The following AGMO variants were observed in gnomAD, a reference collection of about 807,000 sequenced individuals.
AGMO encodes the protein alkylglycerol monooxygenase, also known as glyceryl-ether monooxygenase.
AGMO carries 75 observed loss-of-function variants against 60.2 expected under a neutral mutation model. The ratio of observed to expected loss-of-function variants is 1.25; its 90% CI spans 1.03 to 1.51. The LOEUF (loss-of-function observed/expected upper bound fraction) is 1.51, where lower values mean the gene tolerates loss of function less well. Among genes scored for constraint, AGMO ranks in the 40% most tolerant of loss-of-function variants. The pLI is 0.00. For missense variants in AGMO, 763 were observed against 525.5 expected (o/e 1.45, Z -4.42); for synonymous variants, 261 against 177.1 (o/e 1.47, Z -3.76).
At chr7:15,439,313 C>T (rs1781488139) in intron 3 of AGMO, among the ~76,000 whole-genome samples, 2 of 152,146 alleles carry the variant, frequency 1.3e-5, no homozygotes, top group Admixed American at 6.5e-5. Context: ...AGGATAATCG[C>T]TTGGACTCAG....
intron 4 of AGMO, among the ~76,000 whole-genome samples, chr7:15,421,784 G>A (rs1437623353): frequency 6.6e-6 from 1 of 152,142 alleles, no homozygotes; most frequent in Admixed American, 6.6e-5. Context: ...ACATCTCAGG[G>A]AATCAGGAAG....
At chr7:15,194,881 T>C in the AGMO span, among the ~76,000 whole-genome samples, 3 of 152,126 alleles carry the variant, frequency 2.0e-5, no homozygotes, top group Non-Finnish European at 4.4e-5. Flanking sequence ...TAGGCTCCGA[T>C]TGTCTCAGCA....
intron 12 of AGMO, among the ~76,000 whole-genome samples, chr7:15,325,685 C>G (rs930915305): frequency 2.0e-5 from 3 of 152,084 alleles, no homozygotes; most frequent in Non-Finnish European, 2.9e-5. Context: ...AATGCTTAAA[C>G]TGAAAATATA....
At position 15,364,121 on chromosome 7, in the gene AGMO, C is replaced by G. The variant is rs987749214; in HGVS notation, c.1263+1393G>C. 2.0e-5 allele frequency among the ~76,000 whole-genome samples: 3 copies of G among 151,812 alleles called. No homozygotes were observed. In the East Asian group the frequency reaches 5.8e-4, roughly 29 times the overall value. On this transcript the variant is annotated intron_variant, in intron 12 of 12. Coordinates refer to ENST00000342526, the MANE Select transcript of AGMO (RefSeq NM_001004320.2). ...TAGTATGCTTCACGGTTTAAATTCA[C>G]ATTATATATATAATGTGTATATATA...
At chr7:15,141,734 T>C in the AGMO span, among the ~76,000 whole-genome samples, 9 of 152,364 alleles carry the variant, frequency 5.9e-5, no homozygotes, top group Non-Finnish European at 8.8e-5. Context: ...TGATAGGTAC[T>C]TCCAAGTAAA....
At chr7:15,284,002 A>G (rs907653879) in intron 12 of AGMO, among the ~76,000 whole-genome samples, 6 of 152,126 alleles carry the variant, frequency 3.9e-5, no homozygotes, top group Non-Finnish European at 5.9e-5. Flanking sequence ...AATGAAATCA[A>G]GATGGAATTT....
intron 8 of AGMO, among the ~76,000 whole-genome samples, chr7:15,388,850 A>T (rs1012155693): frequency 2.0e-5 from 3 of 152,204 alleles, no homozygotes; most frequent in Non-Finnish European, 2.9e-5. Flanking sequence ...ATTTCTGACA[A>T]TGTAAGTAAA....
intron 2 of AGMO, among the ~76,000 whole-genome samples, chr7:15,546,819 G>T (rs1162712540): frequency 6.6e-6 from 1 of 152,174 alleles, no homozygotes; most frequent in Non-Finnish European, 1.5e-5. Context: ...TAGCTTTGTT[G>T]GTTACTTTTG....
At chr7:15,341,110 T>A (rs1272967535) in intron 12 of AGMO, among the ~76,000 whole-genome samples, 1 of 152,202 alleles carries the variant, frequency 6.6e-6, no homozygotes, top group Non-Finnish European at 1.5e-5. Flanking sequence ...GTCTTTGACA[T>A]GTCCTGGAGA....
chr7:15,432,177 T>C (rs1043020543), intron 3 of AGMO, among the ~76,000 whole-genome samples: 4 of 151,534 alleles, frequency 2.6e-5, no homozygotes, highest in Admixed American at 2.6e-4. Flanking sequence ...CTTGGATGTA[T>C]AGGAACTAAA....
At chr7:15,314,914 A>C (rs2128534191) in intron 12 of AGMO, among the ~76,000 whole-genome samples, 1 of 152,334 alleles carries the variant, frequency 6.6e-6, no homozygotes, top group South Asian at 2.1e-4. Context: ...AGATTACAAA[A>C]GTGAGAAGGA....
At chr7:15,271,666 C>G (rs1368253284) in intron 12 of AGMO, among the ~76,000 whole-genome samples, 6 of 152,102 alleles carry the variant, frequency 3.9e-5, no homozygotes, top group Non-Finnish European at 8.8e-5. Context: ...ATTTCTTTCA[C>G]TTGCCTGATT....
intron 3 of AGMO, among the ~76,000 whole-genome samples, chr7:15,481,445 G>C (rs765564740): frequency 6.6e-6 from 1 of 151,926 alleles, no homozygotes; most frequent in Non-Finnish European, 1.5e-5. Flanking sequence ...ATAAAGCATT[G>C]CTAATAATAA....
intron 12 of AGMO, among the ~76,000 whole-genome samples, chr7:15,317,480 G>A (rs549102889): frequency 2.0e-5 from 3 of 152,164 alleles, no homozygotes; most frequent in South Asian, 4.2e-4. Context: ...AGGCAAAGGG[G>A]ATCAAATTAC....
chr7:15,525,027 G>T (rs539312591), intron 3 of AGMO, among the ~76,000 whole-genome samples: 2 of 152,106 alleles, frequency 1.3e-5, no homozygotes, highest in Admixed American at 6.6e-5. Context: ...TGGTCAAGGG[G>T]ACCCCAGAAA....
intron 10 of AGMO, among the ~76,000 whole-genome samples, chr7:15,372,225 C>A (rs1049091548): frequency 6.6e-6 from 1 of 151,892 alleles, no homozygotes; most frequent in Admixed American, 6.6e-5. Context: ...CTGAGGTGAG[C>A]GGATCACTTG....
At chr7:15,313,155 C>A (rs1583395016) in intron 12 of AGMO, among the ~76,000 whole-genome samples, 2 of 152,138 alleles carry the variant, frequency 1.3e-5, no homozygotes, top group African/African-American at 4.8e-5. Flanking sequence ...GTTTTAAGTA[C>A]ACAAAGAAAA....
chr7:15,404,236 A>G (rs909787474), intron 5 of AGMO, among the ~76,000 whole-genome samples: 2 of 151,944 alleles, frequency 1.3e-5, no homozygotes, highest in African/African-American at 4.8e-5. Flanking sequence ...ACAATAAACA[A>G]AAGTTTTAAA....
intron 3 of AGMO, among the ~76,000 whole-genome samples, chr7:15,450,344 C>T (rs903609752): frequency 6.6e-6 from 1 of 150,600 alleles, no homozygotes; most frequent in Non-Finnish European, 1.5e-5. Flanking sequence ...GGCATGAACC[C>T]AGGGGGCAGA....
Sources: gnomAD v4.1 joint callset for allele counts (sites outside exome capture counted in the v4.1 genomes callset) on GRCh38, gnomAD v4.1.1 for gene constraint, MANE v1.5 for transcripts, NCBI Gene and HGNC (gene_info 2026-07-23, HGNC 2026-07-21) for gene names.